DYNLRB1: variants seen among roughly 807,000 people sequenced by gnomAD.
DYNLRB1 encodes the protein dynein light chain roadblock-type 1.
In DYNLRB1, 6 loss-of-function variants were observed where a neutral mutation model predicts 13.5. That is an observed-to-expected ratio of 0.44 (90% CI 0.24 to 0.88). The LOEUF is 0.88. Among genes scored for constraint, DYNLRB1 ranks in the 40% least tolerant of loss-of-function variants. DYNLRB1 has a pLI of 0.21. For missense variants in DYNLRB1, 93 were observed against 127.2 expected (o/e 0.73, Z 1.29); for synonymous variants, 43 against 45.0 (o/e 0.96, Z 0.18).
At chr20:34,523,343 T>C (rs1967919548) in intron 1 of DYNLRB1, among the ~76,000 whole-genome samples, 1 of 152,154 alleles carries the variant, frequency 6.6e-6, no homozygotes, top group African/African-American at 2.4e-5. Context: ...CTTGTCACTC[T>C]TTACCTCAAA....
chr20:34,534,856 A>C, intron 3 of DYNLRB1, 61 bp downstream of exon 3: 1 of 1,611,314 alleles, frequency 6.2e-7, no homozygotes, highest in Non-Finnish European at 8.5e-7. Flanking sequence ...TCTGTGGCTC[A>C]TCAGGAGTCC....
rs374501725 is a variant in DYNLRB1 at position 34,533,361 on chromosome 20, A to G, written c.80-1267A>G. The stretch of plus-strand genomic sequence containing the variant: ...GCAGTGCTGTTTACAAAGGGTCAAC[A>G]TGTTCCATGTTTCTGTGCCTGTTGT... On this transcript the variant is annotated intron_variant, in intron 2 of 3. Transcript: ENST00000357156. 4.3e-4 allele frequency among the ~76,000 whole-genome samples: 65 copies of G among 152,316 alleles called. No individual in the cohort carries two copies. The South Asian group carries it at 0.013, about 31-fold the overall frequency.
chr20:34,528,486 C>T (rs907983722), intron 2 of DYNLRB1, among the ~76,000 whole-genome samples: 1 of 152,098 alleles, frequency 6.6e-6, no homozygotes, highest in Non-Finnish European at 1.5e-5. Context: ...CACCTCTGTT[C>T]CCGTGTCATT....
At position 34,520,842 on chromosome 20, in the gene DYNLRB1, C is replaced by T. The variant is rs117790812; in HGVS notation, c.3+4381C>T. Among the ~76,000 whole-genome samples the T allele has an allele frequency of 9.3e-3, 1,411 of 152,236 alleles. 9 individuals carry two copies. Among genetic ancestry groups the T allele is most frequent in the Non-Finnish European group, 0.015 (1,022 of 68,022 alleles). ...TTTTAACTTACTTATTAGATTATTTCCTCAGGATAAAATTCTTAGGAAAAT... is the reference window on the plus strand; with the variant it reads ...TTTTAACTTACTTATTAGATTATTTTCTCAGGATAAAATTCTTAGGAAAAT... On this transcript the variant is annotated intron_variant, in intron 1 of 3. Coordinates refer to ENST00000357156, the MANE Select transcript of DYNLRB1 (RefSeq NM_014183.4).
intron 3 of DYNLRB1, among the ~76,000 whole-genome samples, chr20:34,538,354 T>C (rs1196476287): frequency 6.6e-6 from 1 of 151,872 alleles, no homozygotes; most frequent in Non-Finnish European, 1.5e-5. Flanking sequence ...GGAGGATCGC[T>C]TGAGCCTGGG....
rs564009119 is a variant in DYNLRB1 at position 34,526,318 on chromosome 20, G to A, written c.54G>A (p.Gln18=). 2 of 1,614,114 alleles carry A rather than the reference G, an allele frequency of 1.2e-6. No individual in the cohort carries two copies. The highest frequency in any genetic ancestry group is 2.2e-5 in the East Asian group (1 of 44,890). Residue 18 remains glutamine (Q), a synonymous_variant, in exon 2 of 4, where the codon CAG becomes CAA. Coordinates refer to ENST00000357156, the MANE Select transcript of DYNLRB1 (RefSeq NM_014183.4). ...GACTGCAGAGCCAGAAGGGAGTGCA[G>A]GGAATCATCGTCGTGAACACAGAAG... is the stretch of plus-strand genomic sequence containing the variant. The part of the protein sequence containing the change: ...LKRLQSQKGV[Q]GIIVVNTEGI...
intron 2 of DYNLRB1, among the ~76,000 whole-genome samples, chr20:34,531,469 C>T (rs1980707769): frequency 6.6e-6 from 1 of 152,218 alleles, no homozygotes; most frequent in Admixed American, 6.6e-5. Context: ...TTAATTTCTT[C>T]CCGGTTTTGG....
intron 2 of DYNLRB1, 42 bp from the exon 3 acceptor site, chr20:34,534,586 G>A (rs1305916266): frequency 6.6e-7 from 1 of 1,520,278 alleles, no homozygotes; most frequent in Non-Finnish European, 8.8e-7. Context: ...CTCGGCAGAA[G>A]GGGCTCCACA....
chr20:34,526,485 C>CTTTT (rs386393667), intron 2 of DYNLRB1, 142 bp downstream of exon 2: 4,357 of 237,682 alleles, frequency 0.018, 156 homozygotes, highest in Admixed American at 0.096. Flanking sequence ...CTCCAGTGTT[C>CTTTT]TTTTTTTTTT....
At chr20:34,540,430 C>T (rs1981486841) in intron 3 of DYNLRB1, 151 bp from the exon 4 acceptor site, 1 of 744,748 alleles carries the variant, frequency 1.3e-6, no homozygotes, top group East Asian at 2.7e-5. Flanking sequence ...TTCCGTTTTC[C>T]CAGCATTTGG....
chr20:34,532,478 A>G (rs1980785773), intron 2 of DYNLRB1, among the ~76,000 whole-genome samples: 1 of 152,192 alleles, frequency 6.6e-6, no homozygotes, highest in African/African-American at 2.4e-5. Context: ...CTGGGTGGCA[A>G]GAAACTGGCC....
At chr20:34,516,335 C>A, upstream of DYNLRB1, 4 of 1,430,904 alleles carry the variant, frequency 2.8e-6, no homozygotes, top group Non-Finnish European at 3.7e-6. Context: ...CGCCCGCCCC[C>A]GCCTCACGCT....
Position 34,529,040 on chromosome 20 carries a change from C to G in DYNLRB1, c.79+2697C>G, listed in dbSNP as rs1174898600. Among the ~76,000 whole-genome samples the G allele has an allele frequency of 2.6e-5, 4 of 152,192 alleles. No homozygotes were observed. The East Asian group carries it at 7.7e-4, about 29-fold the overall frequency. ...TGTGTAGGCCCTTCAGTGCCCAGCC[C>G]AGGGGCTGCTCCCACAGGCCAGGAT... is the stretch of plus-strand genomic sequence containing the variant. On this transcript the variant is annotated intron_variant, in intron 2 of 3. Transcript: ENST00000357156.
chr20:34,532,550 C>T (rs1052064889), intron 2 of DYNLRB1, among the ~76,000 whole-genome samples: 1 of 152,182 alleles, frequency 6.6e-6, no homozygotes, highest in Non-Finnish European at 1.5e-5. Flanking sequence ...GTGGTGGCTC[C>T]TACCCCATCG....
At chr20:34,538,027 G>T (rs1981297459) in intron 3 of DYNLRB1, among the ~76,000 whole-genome samples, 1 of 123,380 alleles carries the variant, frequency 8.1e-6, no homozygotes, top group African/African-American at 3.1e-5. Flanking sequence ...TAGCTCTGTT[G>T]CCCAGGCTGG....
chr20:34,526,152 G>A (rs1434100336), intron 1 of DYNLRB1, 116 bp from the exon 2 acceptor site: 3 of 1,102,712 alleles, frequency 2.7e-6, no homozygotes, highest in Non-Finnish European at 4.1e-6. Context: ...TGTGCCAGGT[G>A]CCTGAGTATT....
intron 1 of DYNLRB1, among the ~76,000 whole-genome samples, chr20:34,521,673 GAGA>G (rs1193483815): frequency 3.9e-5 from 6 of 152,264 alleles, no homozygotes; most frequent in Non-Finnish European, 8.8e-5. Context: ...CTGGGAACTA[GAGA>G]ATTGGGGAAC....
chr20:34,534,574 A>G (rs1980973269), intron 2 of DYNLRB1, 54 bp from the exon 3 acceptor site: 1 of 1,516,946 alleles, frequency 6.6e-7, no homozygotes, highest in Non-Finnish European at 8.8e-7. Context: ...TGTGGGTGGG[A>G]GCTCGGCAGA....
chr20:34,520,407 A>G (rs973568380), intron 1 of DYNLRB1, among the ~76,000 whole-genome samples: 1 of 152,076 alleles, frequency 6.6e-6, no homozygotes, highest in African/African-American at 2.4e-5. Flanking sequence ...TAATTGGCCA[A>G]ATATCTTACC....
Sources: allele counts gnomAD v4.1 joint callset (sites outside exome capture counted in the v4.1 genomes callset), GRCh38; gene constraint gnomAD v4.1.1; transcripts MANE v1.5; gene names NCBI Gene and HGNC (gene_info 2026-07-23, HGNC 2026-07-21).